Variants in MET observed in about 807,000 individuals in gnomAD.
The protein encoded by MET is hepatocyte growth factor receptor.
Under a neutral mutation model 133.1 loss-of-function variants are expected in MET, and 48 were observed. The ratio of observed to expected loss-of-function variants is 0.36; its 90% CI spans 0.29 to 0.46. The LOEUF (loss-of-function observed/expected upper bound fraction) is 0.46, where lower values mean the gene tolerates loss of function less well. MET is among the 20% of genes least tolerant of loss of function. MET has a pLI of 1.00. For missense variants in MET, 1,442 were observed against 1,695.9 expected, an observed-to-expected ratio of 0.85 and a Z score of 2.63; for synonymous variants, 628 against 616.5, an observed-to-expected ratio of 1.02 and a Z score of -0.28.
At chr7:116,792,085 AT>A (rs11431559) in intron 19 of MET, among the ~76,000 whole-genome samples, 3 of 151,752 alleles carry the variant, frequency 2.0e-5, no homozygotes, top group African/African-American at 4.8e-5. Flanking sequence ...TTATCAATTT[AT>A]TTTTTTTCTT....
rs528410037 is a variant in MET at position 116,723,757 on chromosome 7, G to C, written c.1201-7911G>C. Among the ~76,000 whole-genome samples the C allele has an allele frequency of 2.0e-3, 305 of 152,130 alleles. 1 individual carries two copies. The highest frequency in any genetic ancestry group is 7.0e-3 in the African/African-American group (289 of 41,458). ...GTACCCTGCCGTGTGAGGTGTCAGT[G>C]TGCCCCTGCTGGGGGGTGCCTCCCA... On this transcript the variant is annotated intron_variant, in intron 2 of 20. Transcript: ENST00000397752.
intron 2 of MET, among the ~76,000 whole-genome samples, chr7:116,730,083 G>A (rs537742050): frequency 6.6e-6 from 1 of 151,930 alleles, no homozygotes; most frequent in South Asian, 2.1e-4. Flanking sequence ...ATGATATTAT[G>A]AGAATCTACA....
chr7:116,780,388 G>A (rs528636720), intron 17 of MET, among the ~76,000 whole-genome samples: 13 of 152,254 alleles, frequency 8.5e-5, no homozygotes, highest in South Asian at 4.2e-4. Context: ...ATATTACTCA[G>A]CCAAAAGAAT....
intron 1 of MET, among the ~76,000 whole-genome samples, chr7:116,691,702 T>A (rs1796783558): frequency 2.6e-5 from 4 of 152,148 alleles, no homozygotes; most frequent in Admixed American, 2.0e-4. Flanking sequence ...GTGGCAAAGA[T>A]GGGCATCAGA....
intron 19 of MET, among the ~76,000 whole-genome samples, chr7:116,792,991 A>C (rs1474779476): frequency 6.6e-6 from 1 of 152,204 alleles, no homozygotes; most frequent in Non-Finnish European, 1.5e-5. Flanking sequence ...AAAGCCTCAT[A>C]GGCTTCCGTA....
intron 17 of MET, among the ~76,000 whole-genome samples, chr7:116,779,256 CAGG>C (rs1475253659): frequency 6.6e-6 from 1 of 152,166 alleles, no homozygotes; most frequent in African/African-American, 2.4e-5. Context: ...GTGCACAGCA[CAGG>C]AGAAGTGGAA....
intron 2 of MET, among the ~76,000 whole-genome samples, chr7:116,727,319 TG>T (rs1221927980): frequency 6.6e-6 from 1 of 152,152 alleles, no homozygotes; most frequent in Non-Finnish European, 1.5e-5. Context: ...CCTGCTCCAA[TG>T]GGAACTGGGC....
intron 19 of MET, among the ~76,000 whole-genome samples, chr7:116,793,337 G>A (rs1292663972): frequency 1.3e-5 from 2 of 151,894 alleles, no homozygotes; most frequent in Admixed American, 1.3e-4. Flanking sequence ...ACCATGCCTG[G>A]CTAATTTTTG....
chr7:116,719,760 T>A (rs1212353759), intron 2 of MET, among the ~76,000 whole-genome samples: 8 of 151,860 alleles, frequency 5.3e-5, no homozygotes, highest in African/African-American at 1.9e-4. Context: ...CTTTCCCCAT[T>A]GCTTGTTTTT....
chr7:116,758,342 C>T (rs1281054035), intron 8 of MET, 117 bp from the exon 9 acceptor site: 6 of 1,071,292 alleles, frequency 5.6e-6, no homozygotes, highest in Non-Finnish European at 8.4e-6. Flanking sequence ...AAGGCTTCCA[C>T]TCAGGAAATT....
intron 2 of MET, among the ~76,000 whole-genome samples, chr7:116,711,445 A>G (rs919047306): frequency 6.6e-6 from 1 of 152,238 alleles, no homozygotes; most frequent in African/African-American, 2.4e-5. Flanking sequence ...AATATTTCCA[A>G]GGAATCATTT....
intron 2 of MET, among the ~76,000 whole-genome samples, chr7:116,704,717 A>T (rs1157355622): frequency 6.6e-6 from 1 of 152,080 alleles, no homozygotes; most frequent in African/African-American, 2.4e-5. Context: ...AAGACAATTG[A>T]ATCAAAACTG....
intron 5 of MET, among the ~76,000 whole-genome samples, chr7:116,743,790 G>A (rs2116854246): frequency 6.6e-6 from 1 of 152,266 alleles, no homozygotes; most frequent in Middle Eastern, 3.4e-3. Context: ...GGAGAGCTCT[G>A]GCTGGCATCT....
chr7:116,747,733 C>A (rs953803645), intron 5 of MET, among the ~76,000 whole-genome samples: 2 of 152,160 alleles, frequency 1.3e-5, no homozygotes, highest in African/African-American at 4.8e-5. Context: ...AGAAAGTTAA[C>A]AAGGGTATCC....
chr7:116,723,956 G>A (rs890478435), intron 2 of MET, among the ~76,000 whole-genome samples: 2 of 152,134 alleles, frequency 1.3e-5, no homozygotes, highest in Non-Finnish European at 2.9e-5. Flanking sequence ...GCCCTGCCCC[G>A]AGAGGTGGAG....
intron 5 of MET, among the ~76,000 whole-genome samples, chr7:116,753,612 A>C (rs1794014395): frequency 6.6e-6 from 1 of 152,208 alleles, no homozygotes; most frequent in Non-Finnish European, 1.5e-5. Flanking sequence ...GGAAAAATTT[A>C]ATCCTAAAAA....
intron 19 of MET, among the ~76,000 whole-genome samples, chr7:116,783,951 C>T (rs1279915286): frequency 3.3e-5 from 5 of 152,210 alleles, no homozygotes; most frequent in Non-Finnish European, 7.3e-5. Flanking sequence ...CCTTCTTGCG[C>T]AGAACAAGCT....
chr7:116,767,941 G>T, intron 11 of MET, among the ~76,000 whole-genome samples: 1 of 149,204 alleles, frequency 6.7e-6, no homozygotes. Flanking sequence ...TAATATCTGG[G>T]ACTTTACGCT....
At chr7:116,717,910 G>C (rs1208009683) in intron 2 of MET, among the ~76,000 whole-genome samples, 2 of 151,922 alleles carry the variant, frequency 1.3e-5, no homozygotes, top group African/African-American at 4.8e-5. Flanking sequence ...TATAAAAAAA[G>C]CTATATGACT....
Sources: allele counts gnomAD v4.1 joint callset (sites outside exome capture counted in the v4.1 genomes callset), GRCh38; gene constraint gnomAD v4.1.1; transcripts MANE v1.5; gene names NCBI Gene and HGNC (gene_info 2026-07-23, HGNC 2026-07-21).